SMAD2: variants seen among roughly 807,000 people sequenced by gnomAD.
SMAD2 encodes the protein SMAD family member 2.
A neutral mutation model predicts 64.4 loss-of-function variants in SMAD2; 8 were observed. That is an observed-to-expected ratio of 0.12 (90% confidence interval 0.07 to 0.22). The LOEUF (loss-of-function observed/expected upper bound fraction) is 0.22. Ranked by LOEUF, SMAD2 falls within the 10% of genes least tolerant of loss-of-function variation. The pLI, the probability that SMAD2 is intolerant of heterozygous loss-of-function variation, is 1.00. For missense variants in SMAD2, 289 were observed against 561.2 expected, an observed-to-expected ratio of 0.51 and a Z score of 4.90; for synonymous variants, 203 against 195.8, an observed-to-expected ratio of 1.04 and a Z score of -0.31.
At chr18:47,925,555 G>A (rs2034728132) in intron 1 of SMAD2, among the ~76,000 whole-genome samples, 1 of 124,534 alleles carries the variant, frequency 8.0e-6, no homozygotes, top group South Asian at 3.2e-4. Flanking sequence ...GAAGCTGCGA[G>A]CTATCTTTGA....
In SMAD2 at chr18:47,837,892, T is replaced by A. The variant is rs2144267074; in HGVS notation, c.*3935A>T. 1 of 232,876 alleles carries A rather than the reference T, an allele frequency of 4.3e-6. No homozygotes were observed. Among genetic ancestry groups the A allele is most frequent in the African/African-American group, 2.2e-5 (1 of 45,428 alleles). 14.4% of individuals were successfully genotyped at this position (232,876 alleles called of 1,614,324 possible). ...AGACTGTACATGAAGACATATTTTA[T>A]GTACAGTGAAGATTGTCTTGTGTTA... is the stretch of plus-strand genomic sequence containing the variant. On this transcript the variant is annotated 3_prime_UTR_variant, in exon 11 of 11. Coordinates refer to ENST00000262160, the MANE Select transcript of SMAD2 (RefSeq NM_005901.6).
At position 47,828,803 on chromosome 18, in the gene SMAD2, G is replaced by A. The variant is rs1013938726; in HGVS notation, c.*13024C>T. ...AGGGACACAAACACTGCAGAAGGCC[G>A]CAGGGTCCTCTGCCTAGGAAAACCA... is the stretch of plus-strand genomic sequence containing the variant. On this transcript the variant is annotated 3_prime_UTR_variant, in exon 11 of 11. Coordinates refer to ENST00000262160, the MANE Select transcript of SMAD2 (RefSeq NM_005901.6). 116 of 177,108 alleles carry A rather than the reference G, an allele frequency of 6.5e-4. No individual in the cohort carries two copies. Among genetic ancestry groups the A allele is most frequent in the African/African-American group, 2.7e-3 (111 of 41,790 alleles). The allele number at this position is 177,108 out of a possible 1,614,324, so 11.0% of individuals were successfully genotyped here. A position where few individuals can be genotyped will look rare whatever the true frequency, so the allele number is the denominator to read the frequency against.
chr18:47,928,746 TAGA>T (rs1172759804), intron 1 of SMAD2, among the ~76,000 whole-genome samples: 6 of 152,234 alleles, frequency 3.9e-5, no homozygotes, highest in African/African-American at 1.4e-4. Context: ...GGCCGCACTT[TAGA>T]AGGTGTGGCT....
In SMAD2 at chr18:47,831,700, T is replaced by G. The variant is rs1362546510; in HGVS notation, c.*10127A>C. 1.3e-5 allele frequency: 2 copies of G among 152,260 alleles called. No individual in the cohort carries two copies. Among genetic ancestry groups the G allele is most frequent in the Non-Finnish European group, 2.9e-5 (2 of 68,050 alleles). The allele number at this position is 152,260 out of a possible 1,614,324, so 9.4% of individuals were successfully genotyped here. On this transcript the variant is annotated 3_prime_UTR_variant, in exon 11 of 11. Transcript: ENST00000262160. ...TGAATCTGTTATCTGCTAAGTCTGA[T>G]TCAATGTTCTTGCCTTCTATTAATG...
At chr18:47,882,034 C>T (rs1194663527) in intron 2 of SMAD2, among the ~76,000 whole-genome samples, 2 of 79,802 alleles carry the variant, frequency 2.5e-5, no homozygotes, top group African/African-American at 5.2e-5. Context: ...TGTACTACCA[C>T]GCTTGGCTTT....
rs1022522415 is a variant in SMAD2 at position 47,823,230 on chromosome 18, T to C, written c.*18597A>G. ...CTATAGGTAAAATCTAAAGTCTACC[T>C]TGACTTAGCTTCTTAGCCTCAAGGA... On this transcript the variant is annotated 3_prime_UTR_variant, in exon 11 of 11. Coordinates refer to ENST00000262160, the MANE Select transcript of SMAD2 (RefSeq NM_005901.6). 3 of 152,202 alleles carry C rather than the reference T, an allele frequency of 2.0e-5. No homozygotes were observed. The highest frequency in any genetic ancestry group is 2.4e-5 in the African/African-American group (1 of 41,458). 9.4% of individuals were successfully genotyped at this position (152,202 alleles called of 1,614,324 possible). A position where few individuals can be genotyped will look rare whatever the true frequency, so the allele number is the denominator to read the frequency against.
At chr18:47,924,467 CTTTTTTTTT>C (rs935951805) in intron 1 of SMAD2, among the ~76,000 whole-genome samples, 1 of 143,114 alleles carries the variant, frequency 7.0e-6, no homozygotes, top group African/African-American at 2.6e-5. Flanking sequence ...TCTTTTTTTT[CTTTTTTTTT>C]TTTGAGACGG....
At chr18:47,918,930 A>C (rs1180931788) in intron 1 of SMAD2, among the ~76,000 whole-genome samples, 1 of 152,158 alleles carries the variant, frequency 6.6e-6, no homozygotes, top group African/African-American at 2.4e-5. Context: ...TCAAATAGAT[A>C]AATTAAGAAA....
chr18:47,837,898 G>A lies in SMAD2; in HGVS notation c.*3929C>T, dbSNP rs191761996. ...TACATGAAGACATATTTTATGTACA[G>A]TGAAGATTGTCTTGTGTTACTTTAT... is the stretch of plus-strand genomic sequence containing the variant. On this transcript the variant is annotated 3_prime_UTR_variant, in exon 11 of 11. Coordinates refer to ENST00000262160, the MANE Select transcript of SMAD2 (RefSeq NM_005901.6). 1 of 232,748 alleles carries A rather than the reference G, an allele frequency of 4.3e-6. No individual in the cohort carries two copies. The highest frequency in any genetic ancestry group is 5.6e-5 in the Admixed American group (1 of 17,766). 14.4% of individuals were successfully genotyped at this position (232,748 alleles called of 1,614,324 possible).
At chr18:47,873,549 C>A (rs886714522) in intron 2 of SMAD2, among the ~76,000 whole-genome samples, 5 of 152,088 alleles carry the variant, frequency 3.3e-5, no homozygotes, top group African/African-American at 1.2e-4. Context: ...ATAATAAATT[C>A]TCAATAATTA....
intron 2 of SMAD2, among the ~76,000 whole-genome samples, chr18:47,875,391 T>C (rs936711835): frequency 6.6e-6 from 1 of 152,152 alleles, no homozygotes; most frequent in Non-Finnish European, 1.5e-5. Flanking sequence ...AACTGGTATT[T>C]TCATAGTACA....
intron 1 of SMAD2, 108 bp from the exon 2 acceptor site, chr18:47,896,917 T>C: frequency 9.7e-7 from 1 of 1,032,738 alleles, no homozygotes; most frequent in Non-Finnish European, 1.4e-6. Flanking sequence ...ATTCGAATTA[T>C]GACTTTCCCA....
chr18:47,863,301 T>C lies in SMAD2; in HGVS notation c.730+1758A>G, dbSNP rs151001835. On this transcript the variant is annotated intron_variant, in intron 6 of 10. Transcript: ENST00000262160. Reference sequence around the variant, plus strand: ...GCATCTCATGAATCACATATTCCCATTGCCATACAGTAATTTTTAAACCTG... The same window carrying C: ...GCATCTCATGAATCACATATTCCCACTGCCATACAGTAATTTTTAAACCTG... 9.6e-3 allele frequency among the ~76,000 whole-genome samples: 1,122 copies of C among 116,626 alleles called. 8 individuals are homozygous for C. The highest frequency in any genetic ancestry group is 0.033 in the African/African-American group (1,056 of 32,112). 76.5% of individuals were successfully genotyped at this position (116,626 alleles called of 152,430 possible).
chr18:47,815,977 T>C lies in SMAD2; in HGVS notation c.*25850A>G, dbSNP rs1324117370. On this transcript the variant is annotated 3_prime_UTR_variant, in exon 11 of 11. Transcript: ENST00000262160. Reference sequence around the variant, plus strand: ...GGCTTAGTCCTGACATAAAATACCATTTTTCCTCTACCACTTGGCTAAGAA... The same window carrying C: ...GGCTTAGTCCTGACATAAAATACCACTTTTCCTCTACCACTTGGCTAAGAA... 2 of 152,128 alleles carry C rather than the reference T, an allele frequency of 1.3e-5. No individual in the cohort carries two copies. The highest frequency in any genetic ancestry group is 2.9e-5 in the Non-Finnish European group (2 of 68,046). 9.4% of individuals were successfully genotyped at this position (152,128 alleles called of 1,614,324 possible). A position where few individuals can be genotyped will look rare whatever the true frequency, so the allele number is the denominator to read the frequency against.
intron 2 of SMAD2, among the ~76,000 whole-genome samples, chr18:47,876,402 C>G (rs568147854): frequency 6.6e-6 from 1 of 152,130 alleles, no homozygotes; most frequent in East Asian, 1.9e-4. Flanking sequence ...CATCAATATA[C>G]AGATGAACAA....
chr18:47,856,108 T>C (rs771972058), intron 6 of SMAD2, among the ~76,000 whole-genome samples: 7 of 151,236 alleles, frequency 4.6e-5, no homozygotes, highest in Admixed American at 1.3e-4. Flanking sequence ...TAGGTGGACA[T>C]AGAAAGACAC....
At chr18:47,882,180 C>T (rs1325925517) in intron 2 of SMAD2, among the ~76,000 whole-genome samples, 2 of 150,342 alleles carry the variant, frequency 1.3e-5, no homozygotes, top group East Asian at 3.9e-4. Context: ...GCCATCGCAT[C>T]TGACCTGATT....
chr18:47,919,467 AATACACACACAC>A (rs2034472133), intron 1 of SMAD2, among the ~76,000 whole-genome samples: 1 of 87,070 alleles, frequency 1.1e-5, no homozygotes, highest in Non-Finnish European at 2.3e-5. Flanking sequence ...CAAAAAAAAA[AATACACACACAC>A]ACACACACAC....
At chr18:47,888,016 C>T (rs1568085538) in intron 2 of SMAD2, among the ~76,000 whole-genome samples, 3 of 152,180 alleles carry the variant, frequency 2.0e-5, no homozygotes, top group Admixed American at 1.3e-4. Flanking sequence ...TGCATGAACA[C>T]TATAGCACCT....
Sources: allele counts gnomAD v4.1 joint callset (sites outside exome capture counted in the v4.1 genomes callset), GRCh38; gene constraint gnomAD v4.1.1; transcripts MANE v1.5; gene names NCBI Gene and HGNC (gene_info 2026-07-23, HGNC 2026-07-21).